RCC2: variants seen among roughly 807,000 people sequenced by gnomAD.
RCC2 encodes regulator of chromosome condensation 2, also known as protein RCC2.
RCC2 carries 19 observed loss-of-function variants against 64.1 expected under a neutral mutation model. The ratio of observed to expected loss-of-function variants is 0.30; its 90% CI spans 0.21 to 0.44. RCC2 has a LOEUF of 0.44. RCC2 is among the 20% of genes least tolerant of loss of function. The pLI, the probability that RCC2 is intolerant of heterozygous loss-of-function variation, is 1.00. For synonymous variants in RCC2, 325 were observed against 279.6 expected (o/e 1.16, Z -1.62); for missense variants, 508 against 710.4 (o/e 0.72, Z 3.24).
At chr1:17,409,914 G>C (rs2100349436) in intron 12 of RCC2, 60 bp downstream of exon 12, 1 of 1,381,746 alleles carries the variant, frequency 7.2e-7, no homozygotes, top group East Asian at 2.3e-5. Flanking sequence ...AAAATCATGA[G>C]GAGTGACATA....
At chr1:17,426,764 T>C (rs1477812927) in intron 3 of RCC2, among the ~76,000 whole-genome samples, 2 of 59,896 alleles carry the variant, frequency 3.3e-5, no homozygotes, top group South Asian at 6.7e-4. Flanking sequence ...CTTTTCTTTT[T>C]TTTTTTTTTT....
intron 11 of RCC2, among the ~76,000 whole-genome samples, chr1:17,411,009 G>T (rs1268839305): frequency 6.6e-6 from 1 of 152,040 alleles, no homozygotes; most frequent in African/African-American, 2.4e-5. Context: ...GACTCCAAGG[G>T]TGTGCAGAGC....
In RCC2 at chr1:17,412,301, C is replaced by T. The variant is rs2075435583; in HGVS notation, c.1314-107G>A. 10 of 973,274 alleles carry T rather than the reference C, an allele frequency of 1.0e-5. No individual in the cohort carries two copies. In the East Asian group the frequency reaches 2.0e-4, roughly 19 times the overall value. The allele number at this position is 973,274 out of a possible 1,614,324, so 60.3% of individuals were successfully genotyped here. A position where few individuals can be genotyped will look rare whatever the true frequency, so the allele number is the denominator to read the frequency against. ...GAGCTGCCACTTTTCCCTTGGCGTA[C>T]TCATTCCAAGTAGCAAACACAATAA... On this transcript the variant is annotated intron_variant, in intron 10 of 12. Transcript: ENST00000375436.
Position 17,412,134 on chromosome 1 carries a change from G to A in RCC2, c.1374C>T (p.Thr458=), listed in dbSNP as rs376312124. The A allele has an allele frequency of 3.7e-6, 6 of 1,614,160 alleles. No individual in the cohort carries two copies. In the African/African-American group the frequency reaches 4.0e-5, roughly 11 times the overall value. Residue 458 remains threonine (T), a synonymous_variant, in exon 11 of 13, where the codon ACC becomes ACT. Coordinates refer to ENST00000375436, the MANE Select transcript of RCC2 (RefSeq NM_018715.4). The part of the protein sequence containing the change: ...ESTISWGPSP[T]FGELGYGDHK... ...GGTGACAGCTTACCAGTTCCCCAAA[G>A]GTCGGTGACGGACCCCAGCTGATGG...
chr1:17,409,415 G>A (rs1030763558), intron 12 of RCC2, among the ~76,000 whole-genome samples: 2 of 152,246 alleles, frequency 1.3e-5, no homozygotes, highest in Non-Finnish European at 2.9e-5. Flanking sequence ...GGGAGACCCA[G>A]CTGGAAGGAA....
At chr1:17,437,998 A>AACCGCCC (rs1303298869) in intron 2 of RCC2, among the ~76,000 whole-genome samples, 1 of 141,484 alleles carries the variant, frequency 7.1e-6, no homozygotes, top group Admixed American at 7.0e-5. Flanking sequence ...CCCAACCGCC[A>AACCGCCC]ACCGCCCGCG....
intron 3 of RCC2, among the ~76,000 whole-genome samples, chr1:17,427,250 C>T (rs1371198631): frequency 1.3e-5 from 2 of 152,212 alleles, no homozygotes; most frequent in Non-Finnish European, 2.9e-5. Context: ...CAGCCCCACC[C>T]TCCGCCCTCA....
chr1:17,412,369 C>T (rs897800217), intron 10 of RCC2, among the ~76,000 whole-genome samples, 175 bp from the exon 11 acceptor site: 1 of 152,228 alleles, frequency 6.6e-6, no homozygotes, highest in African/African-American at 2.4e-5. Flanking sequence ...TTGTTCCGTG[C>T]AGGCCACTCA....
At chr1:17,428,999 CT>C in intron 3 of RCC2, 106 bp downstream of exon 3, 1 of 874,914 alleles carries the variant, frequency 1.1e-6, no homozygotes, top group Non-Finnish European at 1.9e-6. Flanking sequence ...CACTTGGCCT[CT>C]GTGAAAATGC....
chr1:17,436,374 C>T (rs2075735674), intron 2 of RCC2, among the ~76,000 whole-genome samples: 1 of 152,138 alleles, frequency 6.6e-6, no homozygotes, highest in Non-Finnish European at 1.5e-5. Flanking sequence ...TGTGGTGGAA[C>T]ACACTTGTAA....
At chr1:17,437,976 C>T (rs1284995109) in intron 2 of RCC2, among the ~76,000 whole-genome samples, 2 of 146,432 alleles carry the variant, frequency 1.4e-5, no homozygotes, top group East Asian at 4.1e-4. Flanking sequence ...CGCCGCGGGC[C>T]CGGGCGCGCG....
chr1:17,425,700 G>C lies in RCC2; in HGVS notation c.380-16C>G. 1 of 1,598,716 alleles carries C rather than the reference G, an allele frequency of 6.3e-7. No individual in the cohort carries two copies. The highest frequency in any genetic ancestry group is 8.6e-7 in the Non-Finnish European group (1 of 1,167,848). ...CGGTAAGCAGCTGCAGAGAGAATGA[G>C]AATGCAGATCAGACACCTGGGGTGG... On this transcript the variant is annotated splice_polypyrimidine_tract_variant and intron_variant, in intron 3 of 12. Transcript: ENST00000375436.
In RCC2 at chr1:17,413,599, G is replaced by C; in HGVS notation, c.1145C>G (p.Pro382Arg). 14 of 1,614,170 alleles carry C rather than the reference G, an allele frequency of 8.7e-6. No individual in the cohort carries two copies. Among genetic ancestry groups the C allele is most frequent in the Non-Finnish European group, 1.2e-5 (14 of 1,180,004 alleles). The change falls in exon 9 of 13, where the codon CCT becomes CGT. Residue 382 changes from proline to arginine, a missense_variant. Physicochemically the swap from Pro to Arg is moderately radical, Grantham distance 103. Around this residue, in one of 4 missense-constraint regions of RCC2, gnomAD observed 179 missense variants for 322.0 expected, o/e 0.56. Transcript: ENST00000375436. ...VPRLVKLFDF[P>R]GRGASQIYAG... ...ATAGATCTGGGAAGCCCCACGCCCA[G>C]GGAAGTCAAACAGCTTCACCAGGCG...
chr1:17,413,000 G>T, intron 10 of RCC2, 73 bp downstream of exon 10: 1 of 1,109,012 alleles, frequency 9.0e-7, no homozygotes, highest in Non-Finnish European at 1.4e-6. Context: ...TCAGGGAGGG[G>T]CACCCCATGG....
In RCC2 at chr1:17,431,354, A is replaced by ATAAAT. The variant is rs1284971023; in HGVS notation, c.286-2156_286-2155insATTTA. Among the ~76,000 whole-genome samples the ATAAAT allele has an allele frequency of 7.1e-4, 64 of 90,226 alleles. 4 individuals are homozygous for ATAAAT. The highest frequency in any genetic ancestry group is 1.6e-3 in the Admixed American group (13 of 8,024). The allele number at this position is 90,226 out of a possible 152,430, so 59.2% of individuals were successfully genotyped here. On this transcript the variant is annotated intron_variant, in intron 2 of 12. Coordinates refer to ENST00000375436, the MANE Select transcript of RCC2 (RefSeq NM_018715.4). Reference sequence around the variant, plus strand: ...ATCTCAAAAAAAAAAAAAAAAAAAAAAAAAAATATATATATATATATATAT... The same window carrying ATAAAT: ...ATCTCAAAAAAAAAAAAAAAAAAAAATAAATAAAAAATATATATATATATATATAT...
At chr1:17,413,791 GCAGA>G in intron 8 of RCC2, 74 bp from the exon 9 acceptor site, 2 of 1,345,904 alleles carry the variant, frequency 1.5e-6, no homozygotes, top group South Asian at 2.6e-5. Context: ...TCGTTTCTGT[GCAGA>G]CAACCTGGTG....
chr1:17,435,895 G>A (rs1024133438), intron 2 of RCC2, among the ~76,000 whole-genome samples: 2 of 146,440 alleles, frequency 1.4e-5, no homozygotes, highest in South Asian at 2.2e-4. Flanking sequence ...TCCAACCTGG[G>A]CAACAACAGC....
At chr1:17,423,621 G>A (rs1034596069) in intron 4 of RCC2, among the ~76,000 whole-genome samples, 11 of 152,244 alleles carry the variant, frequency 7.2e-5, no homozygotes, top group Non-Finnish European at 1.6e-4. Flanking sequence ...AGGGCTGGGA[G>A]CCCCTACACC....
At chr1:17,425,726 T>G in intron 3 of RCC2, 42 bp from the exon 4 acceptor site, 1 of 1,566,796 alleles carries the variant, frequency 6.4e-7, no homozygotes, top group East Asian at 2.3e-5. Context: ...CCTGGGGTGG[T>G]GGGGTGACCT....
Sources: allele counts gnomAD v4.1 joint callset (sites outside exome capture counted in the v4.1 genomes callset), GRCh38; gene constraint gnomAD v4.1.1; regional missense constraint gnomAD v4.1.1; transcripts MANE v1.5; gene names NCBI Gene and HGNC (gene_info 2026-07-23, HGNC 2026-07-21).